GRIK2: variants seen among roughly 807,000 people sequenced by gnomAD.
GRIK2 encodes the protein glutamate receptor ionotropic, kainate 2.
A neutral mutation model predicts 100.3 loss-of-function variants in GRIK2; 32 were observed. The observed-to-expected ratio is 0.32, with a 90% CI of 0.24 to 0.43. GRIK2 has a LOEUF of 0.43. Ranked by LOEUF, GRIK2 falls within the 20% of genes least tolerant of loss-of-function variation. The pLI is 1.00. For synonymous variants in GRIK2, 417 were observed against 389.4 expected (o/e 1.07, Z -0.83); for missense variants, 843 against 1,114.9 (o/e 0.76, Z 3.47).
At chr6:101,854,581 A>C (rs1301032313) in intron 10 of GRIK2, among the ~76,000 whole-genome samples, 4 of 152,194 alleles carry the variant, frequency 2.6e-5, no homozygotes, top group Admixed American at 2.6e-4. Context: ...CTTAAAAAAA[A>C]AGAATCATGA....
rs1362553496 is a variant in GRIK2, at chr6:101,594,046, TA to T, written c.116-27900del. ...CAGGTGTTGGGATAAAACATTAACC[TA>T]AATTCACAATTCCTGATAATCCACA... On this transcript the variant is annotated intron_variant, in intron 2 of 16. Transcript: ENST00000369134. Among the ~76,000 whole-genome samples, 10 of 152,006 alleles carry T rather than the reference TA, an allele frequency of 6.6e-5. No individual in the cohort carries two copies. In the East Asian group the frequency reaches 1.7e-3, roughly 27 times the overall value.
intron 2 of GRIK2, among the ~76,000 whole-genome samples, chr6:101,544,798 T>G (rs926554466): frequency 6.6e-6 from 1 of 152,204 alleles, no homozygotes. Context: ...TTAATTAATT[T>G]GTTCAAGGTC....
At chr6:101,788,254 A>C (rs1476074474) in intron 7 of GRIK2, among the ~76,000 whole-genome samples, 9 of 151,390 alleles carry the variant, frequency 5.9e-5, no homozygotes, top group Admixed American at 5.9e-4. Context: ...ACATGTGCAC[A>C]ATGTGCAGGT....
intron 7 of GRIK2, among the ~76,000 whole-genome samples, chr6:101,770,003 T>G (rs1424852417): frequency 6.6e-6 from 1 of 152,194 alleles, no homozygotes; most frequent in Non-Finnish European, 1.5e-5. Context: ...TCTGATGGCC[T>G]TTGTGCAAGA....
chr6:101,918,203 A>G (rs1040914965), intron 12 of GRIK2, among the ~76,000 whole-genome samples: 3 of 151,738 alleles, frequency 2.0e-5, no homozygotes, highest in African/African-American at 7.2e-5. Context: ...GATGATGATG[A>G]AAAAATAAAC....
At chr6:101,612,162 GAGGATGCT>G (rs1210243237) in intron 2 of GRIK2, among the ~76,000 whole-genome samples, 1 of 151,852 alleles carries the variant, frequency 6.6e-6, no homozygotes, top group Non-Finnish European at 1.5e-5. Flanking sequence ...GGAAGGCACT[GAGGATGCT>G]AGACCTGTTT....
At chr6:101,752,709 C>T (rs915961805) in intron 7 of GRIK2, among the ~76,000 whole-genome samples, 2 of 152,008 alleles carry the variant, frequency 1.3e-5, no homozygotes, top group Non-Finnish European at 2.9e-5. Flanking sequence ...ATTCCAAAAA[C>T]AAACATAAGA....
At chr6:101,801,099 G>A (rs1780641455) in intron 8 of GRIK2, among the ~76,000 whole-genome samples, 1 of 151,994 alleles carries the variant, frequency 6.6e-6, no homozygotes, top group Non-Finnish European at 1.5e-5. Flanking sequence ...TTGCTAGGAA[G>A]TTCAGAATTG....
chr6:101,559,216 A>G (rs1326236417), intron 2 of GRIK2, among the ~76,000 whole-genome samples: 1 of 152,062 alleles, frequency 6.6e-6, no homozygotes, highest in Non-Finnish European at 1.5e-5. Flanking sequence ...TTTTTATACC[A>G]GAGTTAAAAT....
intron 7 of GRIK2, 26 bp downstream of exon 7, chr6:101,686,379 T>A: frequency 1.3e-6 from 2 of 1,574,104 alleles, no homozygotes; most frequent in Non-Finnish European, 1.7e-6. Flanking sequence ...TAAAGATCAG[T>A]TTGTGTGTTT....
chr6:101,829,427 T>C (rs931342834), intron 10 of GRIK2, among the ~76,000 whole-genome samples: 1 of 151,938 alleles, frequency 6.6e-6, no homozygotes, highest in Non-Finnish European at 1.5e-5. Context: ...ATAAAAGGCA[T>C]CCAAATAGGA....
intron 7 of GRIK2, among the ~76,000 whole-genome samples, chr6:101,751,333 A>G (rs1776774880): frequency 6.6e-6 from 1 of 152,068 alleles, no homozygotes; most frequent in South Asian, 2.1e-4. Context: ...ACAAACCCTC[A>G]TGTATTCTAC....
At chr6:101,506,753 T>A (rs955563176) in intron 2 of GRIK2, among the ~76,000 whole-genome samples, 1 of 152,162 alleles carries the variant, frequency 6.6e-6, no homozygotes, top group Non-Finnish European at 1.5e-5. Context: ...TAAACCTATA[T>A]GCATATTTTG....
In GRIK2 at chr6:102,035,577, T is replaced by C; in HGVS notation, c.2311+11T>C. 7.0e-7 allele frequency: 1 copy of C among 1,427,988 alleles called. No homozygotes were observed. The highest frequency in any genetic ancestry group is 9.9e-7 in the Non-Finnish European group (1 of 1,012,850). The allele number at this position is 1,427,988 out of a possible 1,614,324, so 88.5% of individuals were successfully genotyped here. ...TTGGCACTCCCATGGGTAGGTTATA[T>C]GTCAGCTCTTTGTTCTTTGTTCATT... On this transcript the variant is annotated intron_variant, in intron 15 of 16. Coordinates refer to ENST00000369134, the MANE Select transcript of GRIK2 (RefSeq NM_021956.5).
At chr6:101,540,789 A>G (rs564427356) in intron 2 of GRIK2, among the ~76,000 whole-genome samples, 7 of 152,084 alleles carry the variant, frequency 4.6e-5, no homozygotes, top group African/African-American at 1.4e-4. Flanking sequence ...ATATAATGTA[A>G]TTATATTGAC....
At chr6:101,396,246 C>CA (rs761803170) in intron 1 of GRIK2, among the ~76,000 whole-genome samples, 2 of 147,262 alleles carry the variant, frequency 1.4e-5, no homozygotes, top group Non-Finnish European at 3.0e-5. Flanking sequence ...TAGCATTCCC[C>CA]CCCCCCCCAG....
At chr6:102,040,141 T>C (rs1465939062) in intron 15 of GRIK2, among the ~76,000 whole-genome samples, 1 of 151,528 alleles carries the variant, frequency 6.6e-6, no homozygotes, top group Non-Finnish European at 1.5e-5. Flanking sequence ...AGAGAATTAC[T>C]GAAATACACA....
intron 4 of GRIK2, among the ~76,000 whole-genome samples, chr6:101,642,346 T>C (rs1781312159): frequency 6.6e-6 from 1 of 151,764 alleles, no homozygotes; most frequent in East Asian, 1.9e-4. Flanking sequence ...CTCCAGAACT[T>C]TTTTATTTTG....
At chr6:101,723,369 G>T (rs1232880905) in intron 7 of GRIK2, among the ~76,000 whole-genome samples, 1 of 151,876 alleles carries the variant, frequency 6.6e-6, no homozygotes, top group Non-Finnish European at 1.5e-5. Context: ...GTGGCAAAAT[G>T]ACAAGTTTTC....
Sources: gnomAD v4.1 joint callset for allele counts (sites outside exome capture counted in the v4.1 genomes callset) on GRCh38, gnomAD v4.1.1 for gene constraint, MANE v1.5 for transcripts, NCBI Gene and HGNC (gene_info 2026-07-23, HGNC 2026-07-21) for gene names.